The following PRRC2B variants were observed in gnomAD, a reference collection of about 807,000 sequenced individuals.
The protein encoded by PRRC2B is protein PRRC2B.
A neutral mutation model predicts 242.3 loss-of-function variants in PRRC2B; 68 were observed. That is an observed-to-expected ratio of 0.28 (90% confidence interval 0.23 to 0.34). The LOEUF (loss-of-function observed/expected upper bound fraction) is 0.34, where lower values mean the gene tolerates loss of function less well. PRRC2B is among the 10% of genes least tolerant of loss of function. The pLI, the probability that PRRC2B is intolerant of heterozygous loss-of-function variation, is 1.00. For synonymous variants in PRRC2B, 1,228 were observed against 1,173.6 expected, an observed-to-expected ratio of 1.05 and a Z score of -0.95; for missense variants, 2,835 against 2,954.8, an observed-to-expected ratio of 0.96 and a Z score of 0.94.
intron 30 of PRRC2B, among the ~76,000 whole-genome samples, chr9:131,493,395 T>C (rs1944248383): frequency 6.6e-6 from 1 of 152,186 alleles, no homozygotes; most frequent in Non-Finnish European, 1.5e-5. Flanking sequence ...GGAGCGGAAC[T>C]GGAAGGAGGA....
At chr9:131,423,596 A>G (rs1432072608) in intron 1 of PRRC2B, among the ~76,000 whole-genome samples, 2 of 152,260 alleles carry the variant, frequency 1.3e-5, no homozygotes, top group South Asian at 2.1e-4. Context: ...AGTTGTGTCC[A>G]GTGAAAGATC....
chr9:131,457,572 T>C (rs942711143), intron 10 of PRRC2B, among the ~76,000 whole-genome samples: 4 of 152,176 alleles, frequency 2.6e-5, no homozygotes, highest in African/African-American at 9.7e-5. Flanking sequence ...GCATCTTTAT[T>C]TCCTCATACA....
At chr9:131,481,957 A>G (rs1020590184) in intron 20 of PRRC2B, 149 bp downstream of exon 20, 5 of 738,340 alleles carry the variant, frequency 6.8e-6, no homozygotes, top group Non-Finnish European at 1.2e-5. Flanking sequence ...GGCCAAGCTC[A>G]TCAGTGGTTT....
intron 1 of PRRC2B, among the ~76,000 whole-genome samples, chr9:131,409,538 G>T (rs1837452706): frequency 6.6e-6 from 1 of 152,184 alleles, no homozygotes; most frequent in Admixed American, 6.5e-5. Context: ...AACATGTATT[G>T]GTTACAAAGA....
At chr9:131,418,388 G>T (rs1366303112) in intron 1 of PRRC2B, among the ~76,000 whole-genome samples, 13 of 152,252 alleles carry the variant, frequency 8.5e-5, no homozygotes, top group Non-Finnish European at 1.5e-5. Flanking sequence ...TAGAGGTTAG[G>T]TGGGAGTTTA....
rs779959439 is a variant in PRRC2B, at chr9:131,474,863, C to T, written c.2734C>T (p.Pro912Ser). 2 of 1,606,700 alleles carry T rather than the reference C, an allele frequency of 1.2e-6. No homozygotes were observed. The highest frequency in any genetic ancestry group is 1.7e-6 in the Non-Finnish European group (2 of 1,177,278). The change falls in exon 16 of 32, where the codon CCA (proline) becomes TCA (serine). Residue 912 changes from proline (P) to serine (S), a missense_variant. Physicochemically the swap from Pro to Ser is moderately conservative, Grantham distance 74 (BLOSUM62 -1). This residue lies in a region of PRRC2B where 1,536 missense variants were observed against 1,483.1 expected (regional missense o/e 1.04). Coordinates refer to ENST00000683519, the MANE Select transcript of PRRC2B (RefSeq NM_013318.4). ...WDKNGSPNKQPSSEPEWTPEP... is the reference protein window; with the variant it reads ...WDKNGSPNKQSSSEPEWTPEP... The stretch of plus-strand genomic sequence containing the variant: ...CAAGAACGGGAGCCCCAACAAACAG[C>T]CATCCTCGGAGCCTGAATGGACTCC...
chr9:131,470,771 T>G lies in PRRC2B; in HGVS notation c.1912-17T>G. 6.2e-7 allele frequency: 1 copy of G among 1,608,010 alleles called. No individual in the cohort carries two copies. Among genetic ancestry groups the G allele is most frequent in the Non-Finnish European group, 8.5e-7 (1 of 1,176,604 alleles). ...GGCCGCACCAGCCTGACCAAGTCTC[T>G]CTCTCTCTGTGGGCAGGAGCAGCTG... is the stretch of plus-strand genomic sequence containing the variant. On this transcript the variant is annotated splice_polypyrimidine_tract_variant and intron_variant, in intron 13 of 31. Coordinates refer to ENST00000683519, the MANE Select transcript of PRRC2B (RefSeq NM_013318.4).
At chr9:131,479,483 A>G (rs1015541821) in intron 19 of PRRC2B, 90 bp downstream of exon 19, 10 of 1,266,908 alleles carry the variant, frequency 7.9e-6, no homozygotes, top group Non-Finnish European at 1.1e-5. Context: ...CTTTTGAGCT[A>G]CGAATATAGA....
chr9:131,474,302 T>G (rs576576291), intron 15 of PRRC2B, among the ~76,000 whole-genome samples, 152 bp from the exon 16 acceptor site: 1 of 152,318 alleles, frequency 6.6e-6, no homozygotes, highest in African/African-American at 2.4e-5. Flanking sequence ...TTTTTGGTTG[T>G]TGTTTTTTGT....
chr9:131,485,152 C>A lies in PRRC2B; in HGVS notation c.5758+12C>A. The A allele has an allele frequency of 6.4e-7, 1 of 1,562,950 alleles. No individual in the cohort carries two copies. On this transcript the variant is annotated intron_variant, in intron 25 of 31. Transcript: ENST00000683519. Reference sequence around the variant, plus strand: ...TGCTTCTATGCCAGGTATCTCATCCCCTGAGCAAGGCCTTGGGGTCCTTCT... The same window carrying A: ...TGCTTCTATGCCAGGTATCTCATCCACTGAGCAAGGCCTTGGGGTCCTTCT...
chr9:131,410,795 G>A (rs771533101), intron 1 of PRRC2B, among the ~76,000 whole-genome samples: 64 of 152,066 alleles, frequency 4.2e-4, no homozygotes, highest in Non-Finnish European at 7.1e-4. Context: ...TTATGCAGAT[G>A]TATTTATTAC....
At chr9:131,455,652 A>G (rs1171020764) in intron 10 of PRRC2B, among the ~76,000 whole-genome samples, 4 of 151,526 alleles carry the variant, frequency 2.6e-5, no homozygotes, top group Admixed American at 1.3e-4. Context: ...AATAGCTAGG[A>G]CCACAGATGC....
intron 18 of PRRC2B, 59 bp from the exon 19 acceptor site, chr9:131,479,193 G>A (rs879304943): frequency 1.2e-5 from 19 of 1,566,048 alleles, no homozygotes; most frequent in East Asian, 2.3e-5. Context: ...CTTATCCTGG[G>A]GAGAATTTGT....
chr9:131,447,231 G>A (rs116181431), intron 8 of PRRC2B, 25 bp downstream of exon 8: 34 of 1,613,592 alleles, frequency 2.1e-5, no homozygotes, highest in Middle Eastern at 1.6e-4. Flanking sequence ...TTACAGTCAC[G>A]TGTGTAGAGA....
At chr9:131,488,554 C>T (rs1016147505) in intron 28 of PRRC2B, among the ~76,000 whole-genome samples, 3 of 152,166 alleles carry the variant, frequency 2.0e-5, no homozygotes, top group African/African-American at 7.2e-5. Flanking sequence ...GAGCCACCAC[C>T]CCTGGCCCCT....
intron 30 of PRRC2B, among the ~76,000 whole-genome samples, chr9:131,493,518 G>A (rs1944251235): frequency 1.3e-5 from 2 of 152,252 alleles, no homozygotes; most frequent in Admixed American, 6.5e-5. Context: ...AGAGCCTCAC[G>A]GGACAAGAGT....
intron 5 of PRRC2B, among the ~76,000 whole-genome samples, chr9:131,439,747 C>A (rs894005053): frequency 6.6e-6 from 1 of 152,160 alleles, no homozygotes; most frequent in African/African-American, 2.4e-5. Flanking sequence ...CCCAGCTTCT[C>A]CCAAGGGGCT....
chr9:131,498,047 G>A lies in PRRC2B; in HGVS notation c.*2173G>A, dbSNP rs1321537004. 1.3e-5 allele frequency: 2 copies of A among 152,152 alleles called. No homozygotes were observed. The highest frequency in any genetic ancestry group is 2.9e-5 in the Non-Finnish European group (2 of 68,036). The allele number at this position is 152,152 out of a possible 1,614,324, so 9.4% of individuals were successfully genotyped here. A position where few individuals can be genotyped will look rare whatever the true frequency, so the allele number is the denominator to read the frequency against. On this transcript the variant is annotated 3_prime_UTR_variant, in exon 32 of 32. Transcript: ENST00000683519. Reference sequence around the variant, plus strand: ...CCTGATGCGGTGGTGCGTGTGATTTGTCAAAAGAAAGCCTTCTGGATGCTG... The same window carrying A: ...CCTGATGCGGTGGTGCGTGTGATTTATCAAAAGAAAGCCTTCTGGATGCTG...
chr9:131,457,410 T>C (rs1246835036), intron 10 of PRRC2B, among the ~76,000 whole-genome samples: 4 of 152,242 alleles, frequency 2.6e-5, no homozygotes, highest in African/African-American at 9.6e-5. Context: ...ACATTGGTTT[T>C]GGAGACAGTT....
Sources: allele counts gnomAD v4.1 joint callset (sites outside exome capture counted in the v4.1 genomes callset), GRCh38; gene constraint gnomAD v4.1.1; regional missense constraint gnomAD v4.1.1; transcripts MANE v1.5; gene names NCBI Gene and HGNC (gene_info 2026-07-23, HGNC 2026-07-21).